The following DNAH5 variants were observed in gnomAD, a reference collection of about 807,000 sequenced individuals.
DNAH5 encodes axonemal beta dynein heavy chain 5.
Under a neutral mutation model 518.2 loss-of-function variants are expected in DNAH5, and 372 were observed. That is an observed-to-expected ratio of 0.72 (90% CI 0.66 to 0.78). The LOEUF is 0.78. DNAH5 is among the 30% of genes least tolerant of loss of function. The pLI is 0.00. For missense variants in DNAH5, 5,523 were observed against 5,687.0 expected, an observed-to-expected ratio of 0.97 and a Z score of 0.93; for synonymous variants, 2,039 against 2,025.9, an observed-to-expected ratio of 1.01 and a Z score of -0.17.
In DNAH5 at chr5:13,741,256, T is replaced by C. The variant is rs1264967730; in HGVS notation, c.11212-3761A>G. 2.6e-5 allele frequency among the ~76,000 whole-genome samples: 4 copies of C among 152,206 alleles called. No homozygotes were observed. In the East Asian group the frequency reaches 7.7e-4, roughly 29 times the overall value. ...TTAATCACCACTGATTGAATGGTTA[T>C]AGTTGGTAAGACCCCACCAGACTCA... On this transcript the variant is annotated intron_variant, in intron 65 of 78. Transcript: ENST00000265104.
chr5:13,952,815 C>T (rs1780515321), intron 1 of DNAH5, among the ~76,000 whole-genome samples: 1 of 152,184 alleles, frequency 6.6e-6, no homozygotes, highest in Admixed American at 6.5e-5. Context: ...CGGGGTCTCA[C>T]TCTGTTGCCC....
intron 1 of DNAH5, among the ~76,000 whole-genome samples, chr5:14,003,034 T>G (rs1387724902): frequency 6.6e-6 from 1 of 152,194 alleles, no homozygotes; most frequent in East Asian, 1.9e-4. Context: ...AGCCCCTGGA[T>G]GCTTTGAAGC....
At chr5:13,727,464 T>C (rs1745905076) in intron 70 of DNAH5, 43 bp downstream of exon 70, 2 of 1,549,654 alleles carry the variant, frequency 1.3e-6, no homozygotes, top group South Asian at 1.2e-5. Context: ...AAATTCTCTT[T>C]AAAAATATTC....
At chr5:13,947,611 C>T (rs905333675), upstream of DNAH5, among the ~76,000 whole-genome samples, 1 of 152,198 alleles carries the variant, frequency 6.6e-6, no homozygotes, top group Admixed American at 6.5e-5. Flanking sequence ...ACCTAACCCA[C>T]ACATTTCAGT....
chr5:13,927,372 G>T (rs1051215479), intron 3 of DNAH5, among the ~76,000 whole-genome samples: 3 of 152,078 alleles, frequency 2.0e-5, no homozygotes, highest in African/African-American at 7.2e-5. Context: ...CGCACCTGTA[G>T]TCCCAGCTAC....
intron 1 of DNAH5, among the ~76,000 whole-genome samples, chr5:14,007,887 T>C (rs1030643664): frequency 6.6e-6 from 1 of 152,190 alleles, no homozygotes; most frequent in African/African-American, 2.4e-5. Flanking sequence ...GCATGCAGTA[T>C]GTAGGCCAGG....
At chr5:13,957,352 C>G (rs1780829536) in intron 1 of DNAH5, among the ~76,000 whole-genome samples, 1 of 152,120 alleles carries the variant, frequency 6.6e-6, no homozygotes, top group Non-Finnish European at 1.5e-5. Context: ...ATGAGTACAT[C>G]AAAGGTTATC....
At chr5:13,979,877 G>T (rs1243543713) in intron 1 of DNAH5, among the ~76,000 whole-genome samples, 2 of 134,516 alleles carry the variant, frequency 1.5e-5, no homozygotes, top group African/African-American at 5.7e-5. Flanking sequence ...GTCTTGCTCT[G>T]TTGCCCAGGC....
intron 50 of DNAH5, among the ~76,000 whole-genome samples, chr5:13,789,929 G>A (rs1468061105): frequency 1.3e-5 from 2 of 152,116 alleles, no homozygotes; most frequent in Non-Finnish European, 2.9e-5. Flanking sequence ...CATACATGTG[G>A]CCAAGAAACA....
chr5:13,730,782 C>T (rs1328249067), intron 68 of DNAH5, among the ~76,000 whole-genome samples: 1 of 148,452 alleles, frequency 6.7e-6, no homozygotes, highest in Non-Finnish European at 1.5e-5. Flanking sequence ...CGGCTCACAA[C>T]ATCTGCCTCC....
intron 51 of DNAH5, among the ~76,000 whole-genome samples, chr5:13,787,387 T>G (rs1283491588): frequency 6.6e-6 from 1 of 152,178 alleles, no homozygotes; most frequent in Non-Finnish European, 1.5e-5. Flanking sequence ...TACATAATTA[T>G]TTTCAATTGA....
At chr5:13,698,459 C>T (rs1361653069) in intron 78 of DNAH5, among the ~76,000 whole-genome samples, 3 of 152,202 alleles carry the variant, frequency 2.0e-5, no homozygotes, top group East Asian at 1.9e-4. Flanking sequence ...TGCAAGCCTC[C>T]GGTCACAACA....
chr5:13,955,317 C>G (rs1210241231), intron 1 of DNAH5, among the ~76,000 whole-genome samples: 3 of 152,112 alleles, frequency 2.0e-5, no homozygotes, highest in African/African-American at 7.2e-5. Flanking sequence ...TCCTGTTAAG[C>G]CTGTGGAAAC....
intron 3 of DNAH5, among the ~76,000 whole-genome samples, chr5:13,924,267 G>C (rs974179715): frequency 3.9e-5 from 6 of 152,140 alleles, no homozygotes; most frequent in African/African-American, 1.2e-4. Flanking sequence ...AACAATGTGG[G>C]CTCTAGAGTC....
chr5:13,906,552 T>G (rs1355444395), intron 12 of DNAH5, among the ~76,000 whole-genome samples: 2 of 152,216 alleles, frequency 1.3e-5, no homozygotes, highest in Non-Finnish European at 2.9e-5. Flanking sequence ...CAAGTACACA[T>G]GGAACATCTA....
intron 65 of DNAH5, among the ~76,000 whole-genome samples, chr5:13,743,102 T>G (rs1412365425): frequency 6.6e-6 from 1 of 152,076 alleles, no homozygotes; most frequent in Non-Finnish European, 1.5e-5. Flanking sequence ...ATTAATATGA[T>G]GAGGCAAAAT....
At chr5:13,853,588 A>G (rs1475990929) in intron 30 of DNAH5, among the ~76,000 whole-genome samples, 1 of 152,088 alleles carries the variant, frequency 6.6e-6, no homozygotes, top group Admixed American at 6.5e-5. Flanking sequence ...CTAAAGGAGC[A>G]TGTTCTAACC....
At chr5:13,750,016 T>C (rs1004691317) in intron 65 of DNAH5, among the ~76,000 whole-genome samples, 1 of 152,134 alleles carries the variant, frequency 6.6e-6, no homozygotes, top group African/African-American at 2.4e-5. Flanking sequence ...TCCAACTTTA[T>C]GACTCTGTGA....
At chr5:13,958,674 C>A (rs1433333088) in intron 1 of DNAH5, among the ~76,000 whole-genome samples, 1 of 151,982 alleles carries the variant, frequency 6.6e-6, no homozygotes, top group Non-Finnish European at 1.5e-5. Context: ...TGCCAAAAAC[C>A]AGTACTAAAA....
Sources: allele counts gnomAD v4.1 joint callset (sites outside exome capture counted in the v4.1 genomes callset), GRCh38; gene constraint gnomAD v4.1.1; transcripts MANE v1.5; gene names NCBI Gene and HGNC (gene_info 2026-07-23, HGNC 2026-07-21).